Variants in SLC30A8 observed in about 807,000 individuals in gnomAD.
The protein encoded by SLC30A8 is solute carrier family 30 member 8.
In SLC30A8, 27 loss-of-function variants were observed where a neutral mutation model predicts 36.9. The ratio of observed to expected loss-of-function variants is 0.73; its 90% CI spans 0.54 to 1.01. The LOEUF (loss-of-function observed/expected upper bound fraction) is 1.01, where lower values mean the gene tolerates loss of function less well. SLC30A8 is among the 50% of genes least tolerant of loss of function. SLC30A8 has a pLI of 0.00. For synonymous variants in SLC30A8, 164 were observed against 172.4 expected (o/e 0.95, Z 0.38); for missense variants, 439 against 452.0 (o/e 0.97, Z 0.26).
chr8:116,991,428 C>T (rs1418456351), intron 1 of SLC30A8, among the ~76,000 whole-genome samples: 3 of 152,074 alleles, frequency 2.0e-5, no homozygotes, highest in Admixed American at 1.3e-4. Context: ...CCTCAGCCTC[C>T]TGAGTAGCTA....
chr8:117,097,144 A>T (rs1819404189), intron 2 of SLC30A8, among the ~76,000 whole-genome samples: 1 of 151,770 alleles, frequency 6.6e-6, no homozygotes, highest in Admixed American at 6.6e-5. Context: ...TCACGCCTGT[A>T]GATCCAGCAC....
chr8:117,071,220 TTTG>T (rs1818322145), intron 2 of SLC30A8, among the ~76,000 whole-genome samples: 1 of 151,462 alleles, frequency 6.6e-6, no homozygotes, highest in African/African-American at 2.4e-5. Flanking sequence ...TGTCCATTTT[TTTG>T]TTGTTGTTGA....
chr8:117,083,691 TG>T (rs1282560949), intron 2 of SLC30A8, among the ~76,000 whole-genome samples: 4 of 152,182 alleles, frequency 2.6e-5, no homozygotes, highest in Non-Finnish European at 2.9e-5. Flanking sequence ...GTTTAGATCA[TG>T]TAGCTATGAG....
intron 1 of SLC30A8, among the ~76,000 whole-genome samples, chr8:117,022,125 A>G (rs1226168084): frequency 2.0e-5 from 3 of 151,878 alleles, no homozygotes; most frequent in African/African-American, 7.3e-5. Flanking sequence ...GCTTGAACCC[A>G]GGAGGCGGAG....
At chr8:117,018,752 C>T (rs955718308) in intron 1 of SLC30A8, among the ~76,000 whole-genome samples, 14 of 150,144 alleles carry the variant, frequency 9.3e-5, no homozygotes, top group Admixed American at 7.3e-4. Context: ...CTGCAACCTC[C>T]GCCTCCTGGG....
chr8:117,170,621 T>G (rs1486169964), intron 6 of SLC30A8, among the ~76,000 whole-genome samples: 1 of 152,186 alleles, frequency 6.6e-6, no homozygotes, highest in African/African-American at 2.4e-5. Context: ...ACAAATGTGC[T>G]GAGGGTCAGA....
intron 2 of SLC30A8, among the ~76,000 whole-genome samples, chr8:117,051,291 G>A (rs1308003439): frequency 6.6e-6 from 1 of 152,176 alleles, no homozygotes; most frequent in Non-Finnish European, 1.5e-5. Flanking sequence ...ACAATGATGA[G>A]GAAGCTCTTA....
chr8:117,096,080 C>T (rs968774984), intron 2 of SLC30A8, among the ~76,000 whole-genome samples: 1 of 152,060 alleles, frequency 6.6e-6, no homozygotes, highest in Non-Finnish European at 1.5e-5. Flanking sequence ...CTCTTGTGGC[C>T]GTAGTTCTGG....
At chr8:117,135,844 C>T (rs906598566) in intron 1 of SLC30A8, among the ~76,000 whole-genome samples, 1 of 151,906 alleles carries the variant, frequency 6.6e-6, no homozygotes, top group Admixed American at 6.6e-5. Flanking sequence ...TATTAATATA[C>T]ATACCTATAA....
intron 2 of SLC30A8, among the ~76,000 whole-genome samples, chr8:117,077,506 TATAAGA>T (rs1466916371): frequency 2.0e-5 from 3 of 152,222 alleles, no homozygotes; most frequent in South Asian, 2.1e-4. Flanking sequence ...GACGCAAACC[TATAAGA>T]ATAAGAGAAA....
intron 1 of SLC30A8, among the ~76,000 whole-genome samples, chr8:116,984,564 C>T (rs1815379424): frequency 1.3e-5 from 2 of 152,056 alleles, no homozygotes; most frequent in Admixed American, 6.6e-5. Flanking sequence ...TAAACGTCTT[C>T]TCATGTGCTT....
chr8:117,062,249 T>C (rs964068174), intron 2 of SLC30A8, among the ~76,000 whole-genome samples: 4 of 152,198 alleles, frequency 2.6e-5, no homozygotes, highest in Non-Finnish European at 4.4e-5. Flanking sequence ...AGTTAGGTTG[T>C]TCTTGTATTA....
chr8:116,987,302 TG>T (rs1815478671), intron 1 of SLC30A8, among the ~76,000 whole-genome samples: 2 of 35,260 alleles, frequency 5.7e-5, no homozygotes, highest in African/African-American at 1.1e-4. Flanking sequence ...TGGGGTGGGG[TG>T]GGGGGAGGGG....
At chr8:117,015,115 G>C (rs546533983) in intron 1 of SLC30A8, among the ~76,000 whole-genome samples, 29 of 151,886 alleles carry the variant, frequency 1.9e-4, no homozygotes, top group African/African-American at 7.0e-4. Flanking sequence ...GTTGGTGAGG[G>C]GAGCTTATAG....
intron 2 of SLC30A8, among the ~76,000 whole-genome samples, chr8:117,096,133 T>A (rs528830311): frequency 6.6e-6 from 1 of 152,288 alleles, no homozygotes; most frequent in East Asian, 1.9e-4. Context: ...GATGTTATAG[T>A]CTCTCTGAGG....
At chr8:117,027,454 G>A (rs1158524579) in intron 1 of SLC30A8, among the ~76,000 whole-genome samples, 1 of 152,056 alleles carries the variant, frequency 6.6e-6, no homozygotes, top group Non-Finnish European at 1.5e-5. Context: ...GAAAACCCAG[G>A]CCTCCCAATT....
intron 1 of SLC30A8, among the ~76,000 whole-genome samples, chr8:117,038,224 A>T (rs184970852): frequency 1.4e-3 from 211 of 152,360 alleles, no homozygotes; most frequent in Non-Finnish European, 2.6e-3. Context: ...CCTCTCTTTT[A>T]GCCCCCAAAT....
chr8:116,996,343 T>G (rs1202817180), intron 1 of SLC30A8, among the ~76,000 whole-genome samples: 1 of 152,212 alleles, frequency 6.6e-6, no homozygotes, highest in African/African-American at 2.4e-5. Flanking sequence ...ACCCATTGTC[T>G]GTCTTTATTT....
At chr8:117,068,759 T>C (rs1218426858) in intron 2 of SLC30A8, among the ~76,000 whole-genome samples, 2 of 152,092 alleles carry the variant, frequency 1.3e-5, no homozygotes, top group Non-Finnish European at 2.9e-5. Context: ...GTATTTTTAG[T>C]AGAGACGGGG....
Sources: allele counts gnomAD v4.1 joint callset (sites outside exome capture counted in the v4.1 genomes callset), GRCh38; gene constraint gnomAD v4.1.1; transcripts MANE v1.5; gene names NCBI Gene and HGNC (gene_info 2026-07-23, HGNC 2026-07-21).